Variants in CNNM3 observed in about 807,000 individuals in gnomAD.
CNNM3 encodes cyclin and CBS domain divalent metal cation transport mediator 3.
CNNM3 carries 47 observed loss-of-function variants against 57.1 expected under a neutral mutation model. That is an observed-to-expected ratio of 0.82 (90% CI 0.65 to 1.05). CNNM3 has a LOEUF of 1.05. Among genes scored for constraint, CNNM3 ranks in the 50% least tolerant of loss-of-function variants. CNNM3 has a pLI of 0.00. For synonymous variants in CNNM3, 507 were observed against 478.2 expected (o/e 1.06, Z -0.79); for missense variants, 957 against 973.7 (o/e 0.98, Z 0.23).
intron 7 of CNNM3, chr2:96,831,895 C>T: frequency 1.2e-6 from 1 of 822,604 alleles, no homozygotes; most frequent in Non-Finnish European, 1.5e-6. Flanking sequence ...CTCCATGGTG[C>T]TGCCCGGAGC....
Position 96,816,928 on chromosome 2 carries a change from C to A in CNNM3, c.651C>A (p.Ala217=). ...TGGCGGTGCTGCTGTACCGCGCGGC[C>A]GGCCAGCGTGCGGTGCCCGCCGTGT... The part of the protein sequence containing the change: ...AALAVLLYRA[A]GQRAVPAVLG... Residue 217 remains alanine, a synonymous_variant, in exon 1 of 8, where the codon GCC becomes GCA. Coordinates refer to ENST00000305510, the MANE Select transcript of CNNM3 (RefSeq NM_017623.5). The A allele has an allele frequency of 2.5e-6, 3 of 1,209,950 alleles. No individual in the cohort carries two copies. Among genetic ancestry groups the A allele is most frequent in the Non-Finnish European group, 2.1e-6 (2 of 973,968 alleles). The allele number at this position is 1,209,950 out of a possible 1,614,324, so 75.0% of individuals were successfully genotyped here.
intron 1 of CNNM3, among the ~76,000 whole-genome samples, chr2:96,823,404 TCCTGG>T (rs905918917): frequency 6.6e-6 from 1 of 152,160 alleles, no homozygotes; most frequent in Non-Finnish European, 1.5e-5. Flanking sequence ...CACTTGGCCT[TCCTGG>T]CCTGGCCTGG....
chr2:96,829,079 G>A lies in CNNM3; in HGVS notation c.2004G>A (p.Gln668=). Residue 668 remains glutamine (Q), a synonymous_variant, in exon 7 of 8, where the codon CAG becomes CAA. Transcript: ENST00000305510. ...LPQSPENTDL[Q]VIPGSQTRLL... ...AGTCCCCTGAGAACACCGACCTGCA[G>A]GTTATTCCAGGCAGCCAGACCAGGC... The A allele has an allele frequency of 1.2e-6, 2 of 1,613,966 alleles. No homozygotes were observed. The highest frequency in any genetic ancestry group is 1.7e-6 in the Non-Finnish European group (2 of 1,179,980).
rs765665100 is a variant in CNNM3, at chr2:96,816,307, G to T, written c.30G>T (p.Arg10=). Residue 10 remains arginine (R), a synonymous_variant, in exon 1 of 8, where the codon CGG becomes CGT. Transcript: ENST00000305510. MAAAVAAAG[R]LGWLFAALCL... ...CGGCGGCGGTAGCTGCGGCGGGTCGGTTAGGCTGGTTGTTCGCCGCGCTCT... is the reference window on the plus strand; with the variant it reads ...CGGCGGCGGTAGCTGCGGCGGGTCGTTTAGGCTGGTTGTTCGCCGCGCTCT... 6 of 1,289,164 alleles carry T rather than the reference G, an allele frequency of 4.7e-6. No homozygotes were observed. Among genetic ancestry groups the T allele is most frequent in the East Asian group, 6.2e-5 (2 of 32,392 alleles). The allele number at this position is 1,289,164 out of a possible 1,614,324, so 79.9% of individuals were successfully genotyped here.
In CNNM3 at chr2:96,829,146, G is replaced by A. The variant is rs866306085; in HGVS notation, c.2059+12G>A. Reference sequence around the variant, plus strand: ...CACCACAGCGGCAGGTGAGTGCCAAGTGGTACATCGTGCATGGTGTCTGGA... The same window carrying A: ...CACCACAGCGGCAGGTGAGTGCCAAATGGTACATCGTGCATGGTGTCTGGA... On this transcript the variant is annotated intron_variant, in intron 7 of 7. Coordinates refer to ENST00000305510, the MANE Select transcript of CNNM3 (RefSeq NM_017623.5). 2 of 1,613,398 alleles carry A rather than the reference G, an allele frequency of 1.2e-6. No homozygotes were observed. Among genetic ancestry groups the A allele is most frequent in the Non-Finnish European group, 8.5e-7 (1 of 1,179,750 alleles).
At chr2:96,830,441 C>T (rs1422319410) in intron 7 of CNNM3, among the ~76,000 whole-genome samples, 1 of 152,206 alleles carries the variant, frequency 6.6e-6, no homozygotes, top group East Asian at 1.9e-4. Context: ...TGTAGGCCTC[C>T]CGTGGAGCCA....
rs1036231967 is a variant in CNNM3, at chr2:96,816,653, G to C, written c.376G>C (p.Gly126Arg). 4 of 1,074,582 alleles carry C rather than the reference G, an allele frequency of 3.7e-6. No individual in the cohort carries two copies. Among genetic ancestry groups the C allele is most frequent in the Non-Finnish European group, 4.5e-6 (4 of 889,384 alleles). 66.6% of individuals were successfully genotyped at this position (1,074,582 alleles called of 1,614,324 possible). Residue 126 changes from glycine (G) to arginine (R), a missense_variant, in exon 1 of 8, where the codon GGG becomes CGG. Transcript: ENST00000305510. ...GGCGGTGCGCGTGGAGCCGGGTGGC[G>C]GGGCGGCTGAGGAGGCGGCGCCGCC... ...LLAVRVEPGGGAAEEAAPPWA... is the reference protein window; with the variant it reads ...LLAVRVEPGGRAAEEAAPPWA...
intron 2 of CNNM3, 86 bp downstream of exon 2, chr2:96,825,287 T>C: frequency 6.6e-7 from 1 of 1,505,470 alleles, no homozygotes. Context: ...AGTGGGCCTC[T>C]GTGCTGCTGG....
intron 1 of CNNM3, among the ~76,000 whole-genome samples, chr2:96,821,948 A>G (rs145830422): frequency 3.3e-5 from 5 of 152,218 alleles, no homozygotes; most frequent in Admixed American, 2.6e-4. Context: ...TTGTAATTTG[A>G]ACCATTGTTA....
chr2:96,828,958 T>A (rs756063823), intron 6 of CNNM3, 38 bp from the exon 7 acceptor site: 1 of 1,606,816 alleles, frequency 6.2e-7, no homozygotes, highest in Admixed American at 1.7e-5. Context: ...TGCATCTCGC[T>A]TCACCAATTG....
At chr2:96,824,419 A>G (rs1296734937) in intron 1 of CNNM3, 1 of 153,010 alleles carries the variant, frequency 6.5e-6, no homozygotes, top group Non-Finnish European at 1.5e-5. Flanking sequence ...TAGGAAAACC[A>G]AAAGATACAC....
In CNNM3 at chr2:96,825,080, G is replaced by A. The variant is rs929649999; in HGVS notation, c.1248G>A (p.Val416=). The stretch of plus-strand genomic sequence containing the variant: ...CAGGGAAGTCCCACCTGGCCATCGT[G>A]CAGAAGGTGAACAACGAGGGTGAAG... ...FKRGKSHLAI[V]QKVNNEGEGD... The change falls in exon 2 of 8, where the codon GTG becomes GTA. Residue 416 remains valine, a synonymous_variant. Coordinates refer to ENST00000305510, the MANE Select transcript of CNNM3 (RefSeq NM_017623.5). 1 of 1,613,282 alleles carries A rather than the reference G, an allele frequency of 6.2e-7. No individual in the cohort carries two copies.
Position 96,817,124 on chromosome 2 carries a change from C to A in CNNM3, c.847C>A (p.Pro283Thr). Residue 283 changes from proline to threonine, a missense_variant, in exon 1 of 8, where the codon CCC becomes ACC. This residue lies in a region of CNNM3 where 466 missense variants were observed against 403.1 expected (regional missense o/e 1.16). Transcript: ENST00000305510. Reference sequence around the variant, plus strand: ...GCAGCTGCTGGAGCTGGCGGCGCGGCCCGGGCGGCTGCGGGAGCGGGTGCT... The same window carrying A: ...GCAGCTGCTGGAGCTGGCGGCGCGGACCGGGCGGCTGCGGGAGCGGGTGCT... ...VGQLLELAAR[P>T]GRLRERVLEL... 4 of 1,348,040 alleles carry A rather than the reference C, an allele frequency of 3.0e-6. No individual in the cohort carries two copies. The highest frequency in any genetic ancestry group is 2.1e-4 in the Middle Eastern group (1 of 4,742). 83.5% of individuals were successfully genotyped at this position (1,348,040 alleles called of 1,614,324 possible).
intron 7 of CNNM3, chr2:96,832,113 C>G: frequency 1.0e-6 from 1 of 996,704 alleles, no homozygotes; most frequent in Non-Finnish European, 1.2e-6. Flanking sequence ...CCTTTCCTGG[C>G]CCTTCAGCTG....
Position 96,816,726 on chromosome 2 carries a change from T to C in CNNM3, c.449T>C (p.Leu150Pro). 9.9e-7 allele frequency: 1 copy of C among 1,012,500 alleles called. No individual in the cohort carries two copies. The highest frequency in any genetic ancestry group is 1.2e-6 in the Non-Finnish European group (1 of 849,790). The allele number at this position is 1,012,500 out of a possible 1,614,324, so 62.7% of individuals were successfully genotyped here. The stretch of plus-strand genomic sequence containing the variant: ...GCCGGGCTGCTGGCGCTGGCAGCGC[T>C]GGCGCGAGGCCTGCAGCTGAGCGCG... ...GAAGLLALAA[L>P]ARGLQLSALA... is the part of the protein sequence containing the mutation. Residue 150 changes from leucine to proline, a missense_variant, in exon 1 of 8, where the codon CTG becomes CCG. By Grantham distance (98) the Leu-to-Pro change is moderately conservative. Transcript: ENST00000305510.
In CNNM3 at chr2:96,827,908, T is replaced by G; in HGVS notation, c.1689+8T>G. ...TTCATTCTCATCCTGCAGGTAGCTG[T>G]GGGTCCCAGGCCTGGAGTCCCTCCT... On this transcript the variant is annotated splice_region_variant and intron_variant, in intron 4 of 7. Transcript: ENST00000305510. 1 of 1,609,102 alleles carries G rather than the reference T, an allele frequency of 6.2e-7. No individual in the cohort carries two copies. The highest frequency in any genetic ancestry group is 8.5e-7 in the Non-Finnish European group (1 of 1,176,344).
intron 1 of CNNM3, 77 bp from the exon 2 acceptor site, chr2:96,824,981 G>T: frequency 1.3e-6 from 2 of 1,543,762 alleles, no homozygotes. Flanking sequence ...TGTCCTTTTG[G>T]TGGGCCTATA....
At chr2:96,824,960 A>G in intron 1 of CNNM3, 98 bp from the exon 2 acceptor site, 1 of 1,384,566 alleles carries the variant, frequency 7.2e-7, no homozygotes, top group East Asian at 2.3e-5. Context: ...TAGGAGCATG[A>G]ACGTTAGCCG....
At position 96,826,816 on chromosome 2, in the gene CNNM3, C is replaced by G. The variant is rs200316221; in HGVS notation, c.1370-17C>G. The stretch of plus-strand genomic sequence containing the variant: ...CAGGTGGCTGATGCCTGAGCGCGCC[C>G]TCTTCTTCCATCTTAGGAGACACCG... On this transcript the variant is annotated splice_polypyrimidine_tract_variant and intron_variant, in intron 2 of 7. Transcript: ENST00000305510. 3.7e-5 allele frequency: 59 copies of G among 1,613,912 alleles called. No homozygotes were observed. Among genetic ancestry groups the G allele is most frequent in the African/African-American group, 3.1e-4 (23 of 75,064 alleles).
Sources: allele counts gnomAD v4.1 joint callset (sites outside exome capture counted in the v4.1 genomes callset), GRCh38; gene constraint gnomAD v4.1.1; regional missense constraint gnomAD v4.1.1; transcripts MANE v1.5; gene names NCBI Gene and HGNC (gene_info 2026-07-23, HGNC 2026-07-21).